Variants in IGSF21 observed in about 807,000 individuals in gnomAD.
IGSF21 encodes the protein immunoglobin superfamily member 21, also known as immunoglobulin superfamily member 21.
Under a neutral mutation model 46.8 loss-of-function variants are expected in IGSF21, and 28 were observed. The observed-to-expected ratio is 0.60, with a 90% CI of 0.44 to 0.82. The LOEUF is 0.82. Ranked by LOEUF, IGSF21 falls within the 40% of genes least tolerant of loss-of-function variation. IGSF21 has a pLI of 0.00. For synonymous variants in IGSF21, 284 were observed against 273.6 expected (o/e 1.04, Z -0.38); for missense variants, 624 against 665.5 (o/e 0.94, Z 0.69).
chr1:18,191,134 C>T (rs1447270684), intron 1 of IGSF21, among the ~76,000 whole-genome samples: 1 of 152,180 alleles, frequency 6.6e-6, no homozygotes, highest in African/African-American at 2.4e-5. Context: ...CAGTGGCCCC[C>T]TCACCCATTC....
At chr1:18,373,406 T>A (rs942749331) in intron 6 of IGSF21, among the ~76,000 whole-genome samples, 1 of 152,106 alleles carries the variant, frequency 6.6e-6, no homozygotes, top group Non-Finnish European at 1.5e-5. Context: ...TGGGCCAGGC[T>A]CGGAGTGTCA....
chr1:18,355,827 C>CT (rs1175209229), intron 4 of IGSF21, among the ~76,000 whole-genome samples: 2 of 120,762 alleles, frequency 1.7e-5, no homozygotes, highest in African/African-American at 6.9e-5. Context: ...CATGTCTAGA[C>CT]TCTTTTTTTT....
intron 1 of IGSF21, among the ~76,000 whole-genome samples, chr1:18,175,395 A>G (rs2086785373): frequency 6.6e-6 from 1 of 152,184 alleles, no homozygotes; most frequent in Non-Finnish European, 1.5e-5. Context: ...CGGGGAGTGA[A>G]CTGCAGAGTT....
Position 18,291,914 on chromosome 1 carries a change from A to G in IGSF21, c.232A>G (p.Met78Val). 6.2e-7 allele frequency: 1 copy of G among 1,613,714 alleles called. No individual in the cohort carries two copies. The highest frequency in any genetic ancestry group is 8.5e-7 in the Non-Finnish European group (1 of 1,179,848). The change falls in exon 3 of 10, where the codon ATG becomes GTG. Residue 78 changes from methionine to valine, a missense_variant. Coordinates refer to ENST00000251296, the MANE Select transcript of IGSF21 (RefSeq NM_032880.5). ...IKQKIFTFDA[M>V]FSTNYSHMEN... ...GCAAAAGATCTTCACCTTCGACGCCATGTTCTCCACCAACTACTCACACAT... is the reference window on the plus strand; with the variant it reads ...GCAAAAGATCTTCACCTTCGACGCCGTGTTCTCCACCAACTACTCACACAT...
chr1:18,230,360 T>C (rs1314211240), intron 2 of IGSF21, among the ~76,000 whole-genome samples: 1 of 152,198 alleles, frequency 6.6e-6, no homozygotes, highest in East Asian at 1.9e-4. Flanking sequence ...ATCAGTGGCA[T>C]CTCTTACCAT....
chr1:18,151,258 C>T (rs967393604), intron 1 of IGSF21, among the ~76,000 whole-genome samples: 2 of 152,210 alleles, frequency 1.3e-5, no homozygotes, highest in African/African-American at 4.8e-5. Context: ...CTCTTCTTGA[C>T]ACAGCACAGT....
intron 1 of IGSF21, among the ~76,000 whole-genome samples, chr1:18,121,917 G>T (rs1416287261): frequency 6.6e-6 from 1 of 152,196 alleles, no homozygotes; most frequent in Non-Finnish European, 1.5e-5. Flanking sequence ...AAGGGGACAC[G>T]TTCTGTAGGC....
At chr1:18,225,046 C>T (rs2084547635) in intron 1 of IGSF21, among the ~76,000 whole-genome samples, 1 of 144,450 alleles carries the variant, frequency 6.9e-6, no homozygotes, top group Non-Finnish European at 1.5e-5. Flanking sequence ...GCCTGGATGA[C>T]AGAGTGAGAC....
chr1:18,254,668 A>T (rs1569642196), intron 2 of IGSF21, among the ~76,000 whole-genome samples: 1 of 152,114 alleles, frequency 6.6e-6, no homozygotes, highest in South Asian at 2.1e-4. Flanking sequence ...TGGCTGATGG[A>T]CTTGAAATTC....
intron 1 of IGSF21, among the ~76,000 whole-genome samples, chr1:18,225,085 T>TCTCACACACA: frequency 1.9e-4 from 10 of 51,584 alleles, no homozygotes; most frequent in African/African-American, 7.1e-4. Flanking sequence ...TCTCTCTCTC[T>TCTCACACACA]CACACACACA....
intron 7 of IGSF21, 37 bp downstream of exon 7, chr1:18,376,432 A>G: frequency 6.8e-7 from 1 of 1,459,878 alleles, no homozygotes; most frequent in Non-Finnish European, 9.6e-7. Context: ...GGGTGGTGGG[A>G]GGTGGTAGAG....
intron 1 of IGSF21, among the ~76,000 whole-genome samples, chr1:18,182,098 G>A (rs1326726220): frequency 6.6e-6 from 1 of 151,106 alleles, no homozygotes; most frequent in African/African-American, 2.4e-5. Context: ...AGTCCTGAGT[G>A]TCCAGCAGAC....
chr1:18,215,885 C>T (rs182618045), intron 1 of IGSF21, among the ~76,000 whole-genome samples: 2 of 152,230 alleles, frequency 1.3e-5, no homozygotes, highest in East Asian at 1.9e-4. Flanking sequence ...CACAAATCCC[C>T]GTAAGGTACA....
chr1:18,231,547 G>A (rs1432753399), intron 2 of IGSF21, among the ~76,000 whole-genome samples: 1 of 152,204 alleles, frequency 6.6e-6, no homozygotes, highest in East Asian at 1.9e-4. Context: ...TGTAATCATA[G>A]CCCCTTGGTC....
chr1:18,339,467 C>T (rs892717436), intron 4 of IGSF21, among the ~76,000 whole-genome samples: 1 of 152,204 alleles, frequency 6.6e-6, no homozygotes, highest in Non-Finnish European at 1.5e-5. Flanking sequence ...CATGGTGGCT[C>T]ACATGTCTAA....
chr1:18,188,438 G>A (rs1361711893), intron 1 of IGSF21, among the ~76,000 whole-genome samples: 4 of 152,170 alleles, frequency 2.6e-5, no homozygotes, highest in Non-Finnish European at 4.4e-5. Flanking sequence ...CGCAGGGAAG[G>A]CTGAGGTGCT....
chr1:18,243,353 C>A (rs2084752146), intron 2 of IGSF21, among the ~76,000 whole-genome samples: 1 of 152,140 alleles, frequency 6.6e-6, no homozygotes. Context: ...TCTCTCCTAT[C>A]ACATCTCATC....
intron 4 of IGSF21, among the ~76,000 whole-genome samples, chr1:18,340,377 C>T (rs183074230): frequency 2.6e-5 from 4 of 152,264 alleles, no homozygotes; most frequent in Admixed American, 1.3e-4. Context: ...TCTAGGTCAA[C>T]GTGGCCTCTC....
chr1:18,375,067 A>C (rs185985543), intron 6 of IGSF21, among the ~76,000 whole-genome samples: 1 of 152,276 alleles, frequency 6.6e-6, no homozygotes, highest in African/African-American at 2.4e-5. Flanking sequence ...CCTCCTTGGA[A>C]GAGGCACCCT....
Sources: gnomAD v4.1 joint callset for allele counts (sites outside exome capture counted in the v4.1 genomes callset) on GRCh38, gnomAD v4.1.1 for gene constraint, MANE v1.5 for transcripts, NCBI Gene and HGNC (gene_info 2026-07-23, HGNC 2026-07-21) for gene names.